SLC22A23: variants seen among roughly 807,000 people sequenced by gnomAD.
SLC22A23 encodes ion transporter protein.
Under a neutral mutation model 61.0 loss-of-function variants are expected in SLC22A23, and 26 were observed. That is an observed-to-expected ratio of 0.43 (90% CI 0.31 to 0.59). The LOEUF (loss-of-function observed/expected upper bound fraction) is 0.59, where lower values mean the gene tolerates loss of function less well. Ranked by LOEUF, SLC22A23 falls within the 20% of genes least tolerant of loss-of-function variation. The pLI is 0.11. For missense variants in SLC22A23, 796 were observed against 934.7 expected (o/e 0.85, Z 1.94); for synonymous variants, 430 against 413.9 (o/e 1.04, Z -0.47).
chr6:3,382,918 C>T (rs1767047550), intron 3 of SLC22A23, among the ~76,000 whole-genome samples: 1 of 152,206 alleles, frequency 6.6e-6, no homozygotes, highest in Non-Finnish European at 1.5e-5. Flanking sequence ...TCATTGTTTA[C>T]AGACAGACTC....
chr6:3,306,322 G>A (rs1761972841), intron 4 of SLC22A23, among the ~76,000 whole-genome samples: 1 of 152,124 alleles, frequency 6.6e-6, no homozygotes, highest in African/African-American at 2.4e-5. Flanking sequence ...CATGTGATTT[G>A]GAAGGGACTC....
At chr6:3,314,967 G>A (rs938387467) in intron 4 of SLC22A23, among the ~76,000 whole-genome samples, 9 of 151,990 alleles carry the variant, frequency 5.9e-5, no homozygotes, top group South Asian at 2.1e-4. Context: ...GCTTATTATC[G>A]TCTTATTGCT....
intron 4 of SLC22A23, among the ~76,000 whole-genome samples, chr6:3,302,234 T>C (rs1561882134): frequency 6.6e-6 from 1 of 152,216 alleles, no homozygotes; most frequent in South Asian, 2.1e-4. Context: ...TAGGTATTCA[T>C]AGTAGTCTCT....
At chr6:3,401,083 T>C (rs1042859412) in intron 3 of SLC22A23, among the ~76,000 whole-genome samples, 1 of 152,266 alleles carries the variant, frequency 6.6e-6, no homozygotes, top group Non-Finnish European at 1.5e-5. Context: ...GGCTCATGCC[T>C]GTAATCCCAG....
At chr6:3,381,783 T>C (rs907800094) in intron 3 of SLC22A23, among the ~76,000 whole-genome samples, 4 of 152,186 alleles carry the variant, frequency 2.6e-5, no homozygotes, top group Non-Finnish European at 4.4e-5. Flanking sequence ...CCCTAGTTCC[T>C]TTTCTTATCA....
chr6:3,451,614 G>A (rs1772159318), intron 1 of SLC22A23, among the ~76,000 whole-genome samples: 1 of 152,206 alleles, frequency 6.6e-6, no homozygotes, highest in South Asian at 2.1e-4. Flanking sequence ...AACTTGGGCT[G>A]CGCAGGGAAT....
rs1758433489 is a variant in SLC22A23, at chr6:3,270,878, A to G, written c.*2177T>C. 1 of 151,870 alleles carries G rather than the reference A, an allele frequency of 6.6e-6. No individual in the cohort carries two copies. The highest frequency in any genetic ancestry group is 1.5e-5 in the Non-Finnish European group (1 of 67,998). 9.4% of individuals were successfully genotyped at this position (151,870 alleles called of 1,614,324 possible). ...TACACGACCAGTGAGACTGCTCGCA[A>G]CTTTCATCACTTAGCATATCCTTCC... On this transcript the variant is annotated 3_prime_UTR_variant, in exon 10 of 10. Transcript: ENST00000406686.
rs1168698801 is a variant in SLC22A23 at position 3,283,856 on chromosome 6, T to G, written c.1699A>C (p.Ile567Leu). 3 of 1,613,772 alleles carry G rather than the reference T, an allele frequency of 1.9e-6. No homozygotes were observed. The East Asian group carries it at 6.7e-5, about 36-fold the overall frequency. ...GGGGTGTCTCCCATGACGCACCTTA[T>G]CACCGTCGGGGTGATCTCCGCACAG... is the stretch of plus-strand genomic sequence containing the variant. ...FFCAEITPTVIRCGGLGLVLA... is the reference protein window; with the variant it reads ...FFCAEITPTVLRCGGLGLVLA... Residue 567 changes from isoleucine (I) to leucine (L), a missense_variant, in exon 9 of 10, where the codon ATA (isoleucine) becomes CTA (leucine). Ile to Leu is a conservative substitution (Grantham distance 5). Coordinates refer to ENST00000406686, the MANE Select transcript of SLC22A23 (RefSeq NM_015482.2).
Position 3,382,804 on chromosome 6 carries a change from C to A in SLC22A23, c.913+27384G>T, listed in dbSNP as rs987783952. Reference sequence around the variant, plus strand: ...CATTACAGAAAAAGTTTGTTGAGTCCTAGTCTAGTATTATAGCAAGGGAAG... The same window carrying A: ...CATTACAGAAAAAGTTTGTTGAGTCATAGTCTAGTATTATAGCAAGGGAAG... On this transcript the variant is annotated intron_variant, in intron 3 of 9. Coordinates refer to ENST00000406686, the MANE Select transcript of SLC22A23 (RefSeq NM_015482.2). Among the ~76,000 whole-genome samples the A allele has an allele frequency of 7.9e-5, 12 of 152,172 alleles. No individual in the cohort carries two copies. The East Asian group carries it at 1.2e-3, about 15-fold the overall frequency.
At chr6:3,367,202 A>G (rs1765891262) in intron 3 of SLC22A23, among the ~76,000 whole-genome samples, 1 of 152,206 alleles carries the variant, frequency 6.6e-6, no homozygotes, top group Non-Finnish European at 1.5e-5. Context: ...TAGTGGCAAG[A>G]GCATCAGTCT....
intron 7 of SLC22A23, among the ~76,000 whole-genome samples, chr6:3,285,793 A>C (rs556820106): frequency 2.3e-4 from 35 of 152,328 alleles, no homozygotes; most frequent in African/African-American, 2.6e-4. Context: ...GCTGCACGAC[A>C]AGGCCGCTCT....
At chr6:3,362,276 C>G (rs184552567) in intron 3 of SLC22A23, among the ~76,000 whole-genome samples, 2 of 151,044 alleles carry the variant, frequency 1.3e-5, no homozygotes, top group Non-Finnish European at 3.0e-5. Context: ...TGGTAGCATG[C>G]GCCTGTAGTC....
chr6:3,352,478 C>T (rs963666094), intron 3 of SLC22A23, among the ~76,000 whole-genome samples: 2 of 152,134 alleles, frequency 1.3e-5, no homozygotes, highest in African/African-American at 2.4e-5. Context: ...CGGCCACATA[C>T]ACACATAGGC....
chr6:3,320,474 G>T (rs1420230628), intron 4 of SLC22A23, among the ~76,000 whole-genome samples: 3 of 152,140 alleles, frequency 2.0e-5, no homozygotes, highest in Non-Finnish European at 4.4e-5. Context: ...GCACTCCAAA[G>T]CACCAAGTAC....
intron 3 of SLC22A23, among the ~76,000 whole-genome samples, chr6:3,364,858 G>A (rs1008501012): frequency 6.6e-6 from 1 of 152,224 alleles, no homozygotes; most frequent in Non-Finnish European, 1.5e-5. Flanking sequence ...GTGAGGCATA[G>A]GTTTGGGTTT....
chr6:3,399,440 C>A lies in SLC22A23; in HGVS notation c.913+10748G>T, dbSNP rs1768231087. On this transcript the variant is annotated intron_variant, in intron 3 of 9. Transcript: ENST00000406686. ...TCCTCAAGCAGCCATTCATGTCCAT[C>A]CTGAAAACACACATTCTCACACAGC... is the stretch of plus-strand genomic sequence containing the variant. 3.3e-5 allele frequency among the ~76,000 whole-genome samples: 5 copies of A among 152,298 alleles called. No individual in the cohort carries two copies. In the South Asian group the frequency reaches 1.0e-3, roughly 32 times the overall value.
intron 6 of SLC22A23, among the ~76,000 whole-genome samples, chr6:3,288,618 C>T (rs1459693783): frequency 7.2e-5 from 11 of 152,264 alleles, no homozygotes; most frequent in South Asian, 2.1e-4. Flanking sequence ...CTCGGTTCCC[C>T]GTCTCCACAA....
intron 1 of SLC22A23, among the ~76,000 whole-genome samples, chr6:3,424,214 G>A (rs2127532959): frequency 6.6e-6 from 1 of 152,254 alleles, no homozygotes; most frequent in East Asian, 1.9e-4. Context: ...TTGCCAAAGT[G>A]CTCACAGCTC....
At chr6:3,444,843 T>C (rs1302483019) in intron 1 of SLC22A23, 4 of 985,518 alleles carry the variant, frequency 4.1e-6, no homozygotes, top group African/African-American at 1.7e-5. Flanking sequence ...CATCGGTTTC[T>C]GGGTGAAGGC....
Sources: allele counts gnomAD v4.1 joint callset (sites outside exome capture counted in the v4.1 genomes callset), GRCh38; gene constraint gnomAD v4.1.1; transcripts MANE v1.5; gene names NCBI Gene and HGNC (gene_info 2026-07-23, HGNC 2026-07-21).